Variants in FOXN3 observed in about 807,000 individuals in gnomAD.
FOXN3 encodes the protein forkhead box N3.
A neutral mutation model predicts 38.4 loss-of-function variants in FOXN3; 7 were observed. That is an observed-to-expected ratio of 0.18 (90% CI 0.10 to 0.34). The LOEUF is 0.34. Ranked by LOEUF, FOXN3 falls within the 10% of genes least tolerant of loss-of-function variation. FOXN3 has a pLI of 1.00. For missense variants in FOXN3, 456 were observed against 613.4 expected (o/e 0.74, Z 2.71); for synonymous variants, 230 against 242.2 (o/e 0.95, Z 0.47).
chr14:89,589,440 C>CAGTT (rs562707195), intron 1 of FOXN3, among the ~76,000 whole-genome samples: 4 of 152,298 alleles, frequency 2.6e-5, no homozygotes, highest in Admixed American at 2.0e-4. Flanking sequence ...AAGGCACCAC[C>CAGTT]AGTTCCTTGA....
intron 1 of FOXN3, among the ~76,000 whole-genome samples, chr14:89,432,035 T>A (rs893305097): frequency 3.9e-5 from 6 of 152,160 alleles, no homozygotes; most frequent in African/African-American, 9.7e-5. Context: ...TTTTTTATAA[T>A]CAAACAATAT....
intron 4 of FOXN3, among the ~76,000 whole-genome samples, chr14:89,275,614 A>G (rs901331937): frequency 2.0e-5 from 3 of 152,210 alleles, no homozygotes; most frequent in Non-Finnish European, 4.4e-5. Flanking sequence ...GGTATCTCAT[A>G]CATTTCAGCA....
At chr14:89,217,055 C>G (rs556608690) in intron 4 of FOXN3, among the ~76,000 whole-genome samples, 1 of 152,070 alleles carries the variant, frequency 6.6e-6, no homozygotes, top group Non-Finnish European at 1.5e-5. Context: ...CCTGGGTAAA[C>G]GGGGTATGTA....
At chr14:89,186,438 T>C (rs186551693) in intron 4 of FOXN3, among the ~76,000 whole-genome samples, 70 of 152,164 alleles carry the variant, frequency 4.6e-4, no homozygotes, top group South Asian at 4.2e-4. Flanking sequence ...AAGTCCTCCA[T>C]TGGGGTTAAA....
intron 3 of FOXN3, among the ~76,000 whole-genome samples, chr14:89,333,775 A>G (rs1425469740): frequency 6.7e-6 from 1 of 149,164 alleles, no homozygotes; most frequent in Non-Finnish European, 1.5e-5. Context: ...AAAAAAAAAA[A>G]ACAGAACCCC....
At chr14:89,432,099 C>T (rs1393845804) in intron 1 of FOXN3, among the ~76,000 whole-genome samples, 5 of 152,168 alleles carry the variant, frequency 3.3e-5, no homozygotes, top group East Asian at 1.9e-4. Flanking sequence ...TAAAGAACAT[C>T]GCATTGCAGT....
intron 1 of FOXN3, among the ~76,000 whole-genome samples, chr14:89,535,568 A>G (rs1382119396): frequency 1.3e-5 from 2 of 152,222 alleles, no homozygotes. Context: ...ACTTTTTACT[A>G]AAGAGGTGCT....
intron 1 of FOXN3, among the ~76,000 whole-genome samples, chr14:89,423,944 A>G (rs762403238): frequency 2.5e-4 from 38 of 152,218 alleles, no homozygotes; most frequent in Non-Finnish European, 4.4e-4. Context: ...AGAGGCAATA[A>G]ACCCCAGGAA....
At chr14:89,231,212 T>C (rs1006105552) in intron 4 of FOXN3, among the ~76,000 whole-genome samples, 1 of 150,452 alleles carries the variant, frequency 6.6e-6, no homozygotes, top group Non-Finnish European at 1.5e-5. Context: ...TTCTTTCTAA[T>C]GAAAAAAAAA....
At chr14:89,199,840 G>A (rs1888190730) in intron 4 of FOXN3, among the ~76,000 whole-genome samples, 1 of 152,104 alleles carries the variant, frequency 6.6e-6, no homozygotes, top group African/African-American at 2.4e-5. Flanking sequence ...GGAGGCAGAG[G>A]CTGTAGTAAG....
intron 2 of FOXN3, among the ~76,000 whole-genome samples, chr14:89,386,182 G>A (rs1344462801): frequency 2.0e-5 from 3 of 152,216 alleles, no homozygotes; most frequent in Non-Finnish European, 4.4e-5. Flanking sequence ...AGATGTAGGA[G>A]GAGCTAAGTG....
At chr14:89,449,006 T>C (rs527400707) in intron 1 of FOXN3, among the ~76,000 whole-genome samples, 1 of 152,248 alleles carries the variant, frequency 6.6e-6, no homozygotes, top group South Asian at 2.1e-4. Flanking sequence ...ACAAAATTAT[T>C]GGGTCAAGGT....
intron 1 of FOXN3, among the ~76,000 whole-genome samples, chr14:89,487,117 C>T (rs1166065516): frequency 6.6e-6 from 1 of 152,190 alleles, no homozygotes; most frequent in Non-Finnish European, 1.5e-5. Flanking sequence ...GCAAAGTCAA[C>T]GACTCTATTT....
intron 3 of FOXN3, among the ~76,000 whole-genome samples, chr14:89,308,778 A>G (rs1235976484): frequency 1.3e-5 from 2 of 152,230 alleles, no homozygotes; most frequent in Non-Finnish European, 2.9e-5. Context: ...AGCTGCTAGG[A>G]GGCCAGAAAG....
chr14:89,348,861 C>T (rs1888858522), intron 3 of FOXN3, among the ~76,000 whole-genome samples: 1 of 152,164 alleles, frequency 6.6e-6, no homozygotes, highest in South Asian at 2.1e-4. Context: ...TTCCAACCCC[C>T]AGAGCTCCTC....
chr14:89,420,595 A>G (rs926054252), upstream of FOXN3, among the ~76,000 whole-genome samples: 7 of 152,178 alleles, frequency 4.6e-5, no homozygotes, highest in Non-Finnish European at 1.0e-4. Flanking sequence ...TCCAAGAGAA[A>G]TCGATGGCAC....
chr14:89,453,663 C>T (rs1253317273), intron 1 of FOXN3, among the ~76,000 whole-genome samples: 1 of 148,152 alleles, frequency 6.7e-6, no homozygotes, highest in Non-Finnish European at 1.5e-5. Flanking sequence ...AACAAAAATA[C>T]TTGACCACAA....
chr14:89,564,955 G>A (rs988379592), intron 1 of FOXN3, among the ~76,000 whole-genome samples: 6 of 151,872 alleles, frequency 4.0e-5, no homozygotes, highest in African/African-American at 7.3e-5. Context: ...TTAGCTGGGC[G>A]TGATGGTGCA....
intron 1 of FOXN3, among the ~76,000 whole-genome samples, chr14:89,603,443 T>C (rs1896200293): frequency 6.6e-6 from 1 of 152,208 alleles, no homozygotes; most frequent in African/African-American, 2.4e-5. Context: ...TACCCCTGAA[T>C]ACCTGCAGAA....
Sources: gnomAD v4.1 joint callset for allele counts (sites outside exome capture counted in the v4.1 genomes callset) on GRCh38, gnomAD v4.1.1 for gene constraint, MANE v1.5 for transcripts, NCBI Gene and HGNC (gene_info 2026-07-23, HGNC 2026-07-21) for gene names.